DOCK3: variants seen among roughly 807,000 people sequenced by gnomAD.
The protein encoded by DOCK3 is dedicator of cytokinesis 3.
In DOCK3, 60 loss-of-function variants were observed where a neutral mutation model predicts 265.6. That is an observed-to-expected ratio of 0.23 (90% CI 0.18 to 0.28). DOCK3 has a LOEUF of 0.28. Among genes scored for constraint, DOCK3 ranks in the 10% least tolerant of loss-of-function variants. The pLI, the probability that DOCK3 is intolerant of heterozygous loss-of-function variation, is 1.00. For missense variants in DOCK3, 1,981 were observed against 2,594.3 expected, an observed-to-expected ratio of 0.76 and a Z score of 5.14; for synonymous variants, 881 against 938.0, an observed-to-expected ratio of 0.94 and a Z score of 1.11.
rs545644129 is a variant in DOCK3 at position 51,329,243 on chromosome 3, C to A, written c.3403-895C>A. On this transcript the variant is annotated intron_variant, in intron 32 of 52. Transcript: ENST00000266037. The stretch of plus-strand genomic sequence containing the variant: ...CACCTCAAAGTGAATCCAGTGAGAC[C>A]TATTAGAAAAGTGGCTGAGATCAGG... Among the ~76,000 whole-genome samples the A allele has an allele frequency of 6.6e-5, 10 of 152,240 alleles. No individual in the cohort carries two copies. In the East Asian group the frequency reaches 1.9e-3, roughly 29 times the overall value.
At chr3:50,978,500 G>C (rs1398315545) in intron 5 of DOCK3, among the ~76,000 whole-genome samples, 1 of 152,146 alleles carries the variant, frequency 6.6e-6, no homozygotes, top group Non-Finnish European at 1.5e-5. Flanking sequence ...CAGTCTGCCC[G>C]TTCTCAGATC....
chr3:51,059,927 T>C (rs1344633431), intron 5 of DOCK3, among the ~76,000 whole-genome samples: 1 of 152,162 alleles, frequency 6.6e-6, no homozygotes, highest in African/African-American at 2.4e-5. Context: ...GATTATTCTC[T>C]TCAAAATTTA....
intron 4 of DOCK3, among the ~76,000 whole-genome samples, chr3:50,912,805 G>A (rs889849230): frequency 6.6e-6 from 1 of 151,940 alleles, no homozygotes; most frequent in Admixed American, 6.6e-5. Context: ...CAGAGTCAGC[G>A]TGCAGTGAAT....
At chr3:51,378,742 TCTC>T (rs2088346163) in intron 51 of DOCK3, among the ~76,000 whole-genome samples, 2 of 152,302 alleles carry the variant, frequency 1.3e-5, no homozygotes, top group South Asian at 4.1e-4. Context: ...ATCATTCCTC[TCTC>T]CTCCTGAAAA....
At chr3:50,752,443 A>G (rs1403514549) in intron 1 of DOCK3, among the ~76,000 whole-genome samples, 1 of 150,314 alleles carries the variant, frequency 6.7e-6, no homozygotes, top group Non-Finnish European at 1.5e-5. Context: ...CGGGAGGCGG[A>G]GGTTAGAGTG....
At chr3:50,700,853 A>C (rs2035992777) in intron 1 of DOCK3, among the ~76,000 whole-genome samples, 1 of 152,224 alleles carries the variant, frequency 6.6e-6, no homozygotes, top group African/African-American at 2.4e-5. Flanking sequence ...TATATAGTAT[A>C]GTATAGTAGT....
intron 12 of DOCK3, among the ~76,000 whole-genome samples, chr3:51,180,862 AAGG>A (rs1466865720): frequency 3.3e-5 from 5 of 152,184 alleles, no homozygotes; most frequent in Non-Finnish European, 7.3e-5. Flanking sequence ...TGCTCTCTGC[AAGG>A]AGGTTAGTCC....
In DOCK3 at chr3:51,362,524, C is replaced by T; in HGVS notation, c.5146-3C>T. On this transcript the variant is annotated splice_region_variant and splice_polypyrimidine_tract_variant and intron_variant, in intron 48 of 52. Coordinates refer to ENST00000266037, the MANE Select transcript of DOCK3 (RefSeq NM_004947.5). ...TATCCTGCTGATTTTTCTCCCTTTGCAGCTCGCGTATCCCAACCCCAGGTA... is the reference window on the plus strand; with the variant it reads ...TATCCTGCTGATTTTTCTCCCTTTGTAGCTCGCGTATCCCAACCCCAGGTA... 1 of 1,613,946 alleles carries T rather than the reference C, an allele frequency of 6.2e-7. No individual in the cohort carries two copies. Among genetic ancestry groups the T allele is most frequent in the Non-Finnish European group, 8.5e-7 (1 of 1,179,878 alleles).
chr3:50,876,922 A>T (rs556451298), intron 3 of DOCK3: 83 of 155,458 alleles, frequency 5.3e-4, no homozygotes, highest in Middle Eastern at 3.3e-3. Flanking sequence ...AAATTTGTAA[A>T]TTTTCTTAAA....
At chr3:50,703,825 T>G (rs1356489430) in intron 1 of DOCK3, among the ~76,000 whole-genome samples, 1 of 98,740 alleles carries the variant, frequency 1.0e-5, no homozygotes, top group Admixed American at 9.5e-5. Flanking sequence ...TATTTATTGT[T>G]TTTTTCATCT....
In DOCK3 at chr3:51,374,600, C is replaced by T; in HGVS notation, c.5412+13C>T. The T allele has an allele frequency of 6.2e-7, 1 of 1,600,174 alleles. No individual in the cohort carries two copies. The highest frequency in any genetic ancestry group is 1.1e-5 in the South Asian group (1 of 89,090). ...GGAGAACGGACAGGTAATAGACCCA[C>T]CACACTGACTGTCCTCTGCTGCAAG... is the stretch of plus-strand genomic sequence containing the variant. On this transcript the variant is annotated intron_variant, in intron 50 of 52. Transcript: ENST00000266037. This position sits in a 1 kb window ranked among gnomAD's most constrained non-coding sequence, Gnocchi z 4.8.
chr3:50,705,636 T>G (rs1304351634), intron 1 of DOCK3, among the ~76,000 whole-genome samples: 1 of 151,306 alleles, frequency 6.6e-6, no homozygotes, highest in African/African-American at 2.4e-5. Context: ...AGGCTGGTGT[T>G]GATCTCCTGA....
rs538981588 is a variant in DOCK3 at position 51,020,950 on chromosome 3, G to T, written c.316-43498G>T. On this transcript the variant is annotated intron_variant, in intron 5 of 52. Coordinates refer to ENST00000266037, the MANE Select transcript of DOCK3 (RefSeq NM_004947.5). ...TTGCTTAGGATTGTCTTGGCTATTT[G>T]AGCTCTTTTTTGGTTCCATAGGAAT... Among the ~76,000 whole-genome samples, 10 of 151,932 alleles carry T rather than the reference G, an allele frequency of 6.6e-5. No individual in the cohort carries two copies. In the South Asian group the frequency reaches 1.9e-3, roughly 28 times the overall value.
intron 4 of DOCK3, among the ~76,000 whole-genome samples, chr3:50,918,366 A>G (rs2050244466): frequency 6.6e-6 from 1 of 152,194 alleles, no homozygotes; most frequent in Non-Finnish European, 1.5e-5. Context: ...ATTAGTTTAC[A>G]GTCCCACCAA....
chr3:50,783,254 C>A (rs1466554381), intron 2 of DOCK3, among the ~76,000 whole-genome samples: 3 of 152,036 alleles, frequency 2.0e-5, no homozygotes, highest in Admixed American at 6.6e-5. Flanking sequence ...AATCTCCACA[C>A]TGTTTTTCAT....
intron 3 of DOCK3, among the ~76,000 whole-genome samples, chr3:50,861,027 C>T (rs1335200103): frequency 6.6e-6 from 1 of 152,198 alleles, no homozygotes; most frequent in African/African-American, 2.4e-5. Context: ...GTAGCTCAGA[C>T]TGAAGACTGA....
chr3:51,149,267 C>T (rs1047009512), intron 10 of DOCK3, among the ~76,000 whole-genome samples: 10 of 152,158 alleles, frequency 6.6e-5, no homozygotes, highest in Admixed American at 1.3e-4. Context: ...TCTAAATATA[C>T]AATCATGTCA....
chr3:50,713,741 A>G (rs2036922901), intron 1 of DOCK3, among the ~76,000 whole-genome samples: 1 of 151,822 alleles, frequency 6.6e-6, no homozygotes, highest in Non-Finnish European at 1.5e-5. Flanking sequence ...TCTCCCAGGG[A>G]CGTCAACTAC....
intron 5 of DOCK3, among the ~76,000 whole-genome samples, chr3:51,030,395 A>G (rs1303811953): frequency 6.6e-6 from 1 of 152,134 alleles, no homozygotes; most frequent in Non-Finnish European, 1.5e-5. Context: ...CTTCCCCTAT[A>G]GAGTGCTCAC....
Sources: allele counts gnomAD v4.1 joint callset (sites outside exome capture counted in the v4.1 genomes callset), GRCh38; gene constraint gnomAD v4.1.1; non-coding constraint Gnocchi (gnomAD v3.1); transcripts MANE v1.5; gene names NCBI Gene and HGNC (gene_info 2026-07-23, HGNC 2026-07-21).